EML3: variants seen among roughly 807,000 people sequenced by gnomAD.
The protein encoded by EML3 is EMAP like 3, also known as echinoderm microtubule-associated protein-like 3.
In EML3, 53 loss-of-function variants were observed where a neutral mutation model predicts 106.7. The ratio of observed to expected loss-of-function variants is 0.50; its 90% confidence interval spans 0.40 to 0.62. EML3 has a LOEUF of 0.62. Among genes scored for constraint, EML3 ranks in the 20% least tolerant of loss-of-function variants. The pLI is 0.00. For missense variants in EML3, 994 were observed against 1,209.1 expected, an observed-to-expected ratio of 0.82 and a Z score of 2.64; for synonymous variants, 499 against 489.6, an observed-to-expected ratio of 1.02 and a Z score of -0.25.
Position 62,606,202 on chromosome 11 carries a change from A to G in EML3, c.1517T>C (p.Ile506Thr), listed in dbSNP as rs1942509645. 2 of 1,613,680 alleles carry G rather than the reference A, an allele frequency of 1.2e-6. No individual in the cohort carries two copies. The highest frequency in any genetic ancestry group is 1.3e-5 in the African/African-American group (1 of 74,934). Residue 506 changes from isoleucine (I) to threonine (T), a missense_variant, in exon 13 of 22, where the codon ATT (isoleucine) becomes ACT (threonine). By Grantham distance (89) the Ile-to-Thr change is moderately conservative. This residue lies in a region of EML3 where 713 missense variants were observed against 920.5 expected (regional missense o/e 0.77). Transcript: ENST00000394773. ...TTCATGAGCGTGAGCCTGGGCCACAATCCCATAGGTCTCTGTTGGCAAAGC... is the reference window on the plus strand; with the variant it reads ...TTCATGAGCGTGAGCCTGGGCCACAGTCCCATAGGTCTCTGTTGGCAAAGC... ...GRGGAKETYG[I>T]VAQAHAHEGS...
rs915274161 is a variant in EML3 at position 62,605,424 on chromosome 11, G to A, written c.1914+218C>T. 6.6e-6 allele frequency among the ~76,000 whole-genome samples: 1 copy of A among 152,190 alleles called. No individual in the cohort carries two copies. Among genetic ancestry groups the A allele is most frequent in the Non-Finnish European group, 1.5e-5 (1 of 68,034 alleles). On this transcript the variant is annotated intron_variant, in intron 15 of 21. Coordinates refer to ENST00000394773, the MANE Select transcript of EML3 (RefSeq NM_153265.3). This position sits in a 1 kb window ranked among gnomAD's most constrained non-coding sequence, Gnocchi z 5.2. Reference sequence around the variant, plus strand: ...TAGGTGCTGGATCAAGAGGAAGTCTGAGGGGTTCTGGGGGCGGCAGGGAGT... The same window carrying A: ...TAGGTGCTGGATCAAGAGGAAGTCTAAGGGGTTCTGGGGGCGGCAGGGAGT...
chr11:62,611,639 G>C, intron 1 of EML3, 43 bp from the exon 2 acceptor site: 3 of 1,579,020 alleles, frequency 1.9e-6, no homozygotes, highest in Non-Finnish European at 2.6e-6. Flanking sequence ...CCCATCACCT[G>C]AAGAAAGCGT....
At position 62,610,988 on chromosome 11, in the gene EML3, G is replaced by T. The variant is rs368147676; in HGVS notation, c.457C>A (p.Arg153=). 10 of 1,613,180 alleles carry T rather than the reference G, an allele frequency of 6.2e-6. No individual in the cohort carries two copies. The African/African-American group carries it at 8.0e-5, about 13-fold the overall frequency. ...LQPPQRADTP[R]RNSSSSSSPS... is the part of the protein sequence containing the mutation. ...GATGAGGAGGAGGAAGAATTTCTTC[G>T]CGGCCTGGTGGGGGCATAGTGAAGG... The change falls in exon 4 of 22, where the codon CGA becomes AGA. Residue 153 remains arginine (R), a synonymous_variant. Coordinates refer to ENST00000394773, the MANE Select transcript of EML3 (RefSeq NM_153265.3).
In EML3 at chr11:62,606,186, G is replaced by C; in HGVS notation, c.1533C>G (p.His511Gln). 1.2e-6 allele frequency: 2 copies of C among 1,613,968 alleles called. No homozygotes were observed. The highest frequency in any genetic ancestry group is 4.5e-5 in the East Asian group (2 of 44,886). Residue 511 changes from histidine (H) to glutamine (Q), a missense_variant, in exon 13 of 22, where the codon CAC becomes CAG. Transcript: ENST00000394773. ...AGGCGAAGATAGAACCTTCATGAGC[G>C]TGAGCCTGGGCCACAATCCCATAGG... ...KETYGIVAQA[H>Q]AHEGSIFALC...
chr11:62,609,381 G>A lies in EML3; in HGVS notation c.731C>T (p.Pro244Leu), dbSNP rs374665173. 6.9e-6 allele frequency: 11 copies of A among 1,593,776 alleles called. No homozygotes were observed. The highest frequency in any genetic ancestry group is 5.3e-5 in the Admixed American group (3 of 56,886). The change falls in exon 6 of 22, where the codon CCG (proline) becomes CTG (leucine). Residue 244 changes from proline (P) to leucine (L), a missense_variant. By Grantham distance (98) the Pro-to-Leu change is moderately conservative (BLOSUM62 -3). Coordinates refer to ENST00000394773, the MANE Select transcript of EML3 (RefSeq NM_153265.3). ...CCAGTCAAGGCTGAGGGTCTCTGGCGGTGGGCCACTCGGCAGCTCCTCAAG... is the reference window on the plus strand; with the variant it reads ...CCAGTCAAGGCTGAGGGTCTCTGGCAGTGGGCCACTCGGCAGCTCCTCAAG... ...RSLEELPSGP[P>L]PETLSLDWVY...
chr11:62,612,408 C>T (rs890377407), intron 1 of EML3, 28 bp downstream of exon 1: 15 of 1,500,582 alleles, frequency 1.0e-5, no homozygotes, highest in African/African-American at 2.9e-5. Flanking sequence ...CGGGAAGGGG[C>T]ACGCCGCCCG....
chr11:62,610,227 A>G (rs1351297413), intron 4 of EML3, among the ~76,000 whole-genome samples: 1 of 152,216 alleles, frequency 6.6e-6, no homozygotes, highest in African/African-American at 2.4e-5. Flanking sequence ...GAAAGTCCAC[A>G]TCTCTCCAGA....
rs527548325 is a variant in EML3 at position 62,611,121 on chromosome 11, G to A, written c.418C>T (p.Leu140Phe). The change falls in exon 3 of 22, where the codon CTC becomes TTC. Residue 140 changes from leucine to phenylalanine, a missense_variant. Leu to Phe is a conservative substitution (Grantham distance 22). Coordinates refer to ENST00000394773, the MANE Select transcript of EML3 (RefSeq NM_153265.3). Reference protein sequence around the residue: ...GAGSPGPPGILRPLQPPQRAD... With the variant: ...GAGSPGPPGIFRPLQPPQRAD... ...CGCTGTGGGGGCTGCAAGGGCCTGAGGATCCCCGGGGGGCCAGGGGAGCCA... is the reference window on the plus strand; with the variant it reads ...CGCTGTGGGGGCTGCAAGGGCCTGAAGATCCCCGGGGGGCCAGGGGAGCCA... 3 of 1,597,352 alleles carry A rather than the reference G, an allele frequency of 1.9e-6. No individual in the cohort carries two copies. The highest frequency in any genetic ancestry group is 2.7e-5 in the African/African-American group (2 of 74,962).
intron 7 of EML3, 31 bp from the exon 8 acceptor site, chr11:62,608,836 G>C: frequency 6.4e-7 from 1 of 1,564,756 alleles, no homozygotes; most frequent in Non-Finnish European, 8.7e-7. Flanking sequence ...TCTAGGGAAA[G>C]GGTCTCTCAA....
At chr11:62,603,701 C>G (rs1164683859) in intron 19 of EML3, 28 bp downstream of exon 19, 2 of 1,601,460 alleles carry the variant, frequency 1.2e-6, no homozygotes, top group South Asian at 2.2e-5. Flanking sequence ...ATTACCCTCT[C>G]CCCATGTCCT....
At chr11:62,611,749 G>T in intron 1 of EML3, 153 bp from the exon 2 acceptor site, 1 of 874,618 alleles carries the variant, frequency 1.1e-6, no homozygotes, top group Non-Finnish European at 1.7e-6. Flanking sequence ...GGAGGAGACG[G>T]TGGTAAAGGA....
chr11:62,605,461 A>T lies in EML3; in HGVS notation c.1914+181T>A. On this transcript the variant is annotated intron_variant, in intron 15 of 21. Transcript: ENST00000394773. This position sits in a 1 kb window ranked among gnomAD's most constrained non-coding sequence, Gnocchi z 5.2. ...GGGCGGCAGGGAGTGCCCAGGTGGT[A>T]CTAGAAGCATCAGCTTTTACCAGTC... 1 of 893,360 alleles carries T rather than the reference A, an allele frequency of 1.1e-6. No homozygotes were observed. The highest frequency in any genetic ancestry group is 1.6e-6 in the Non-Finnish European group (1 of 609,572). The allele number at this position is 893,360 out of a possible 1,614,324, so 55.3% of individuals were successfully genotyped here.
Position 62,610,969 on chromosome 11 carries a change from G to T in EML3, c.476C>A (p.Ser159Tyr). 1 of 1,613,790 alleles carries T rather than the reference G, an allele frequency of 6.2e-7. No homozygotes were observed. Among genetic ancestry groups the T allele is most frequent in the Non-Finnish European group, 8.5e-7 (1 of 1,179,978 alleles). Residue 159 changes from serine to tyrosine, a missense_variant, in exon 4 of 22, where the codon TCC (serine) becomes TAC (tyrosine). By Grantham distance (144) the Ser-to-Tyr change is moderately radical. This residue lies in a region of EML3 where 269 missense variants were observed against 265.1 expected (regional missense o/e 1.01). Coordinates refer to ENST00000394773, the MANE Select transcript of EML3 (RefSeq NM_153265.3). ...ADTPRRNSSSSSSPSERPRQK... is the reference protein window; with the variant it reads ...ADTPRRNSSSYSSPSERPRQK... ...CCGAGGCCGCTCTGAGGGGGATGAG[G>T]AGGAGGAAGAATTTCTTCGCGGCCT...
Position 62,612,448 on chromosome 11 carries a change from C to T in EML3, c.10G>A (p.Ala4Thr), listed in dbSNP as rs1942881667. The change falls in exon 1 of 22, where the codon GCC becomes ACC. Residue 4 changes from alanine (A) to threonine (T), a missense_variant. Ala to Thr is a moderately conservative substitution (Grantham distance 58). Coordinates refer to ENST00000394773, the MANE Select transcript of EML3 (RefSeq NM_153265.3). Reference protein sequence around the residue: MDGAAGPGDGPARE... With the variant: MDGTAGPGDGPARE... ...GCCCCGTACTCACCGGGCCCCGCGG[C>T]CCCGTCCATCCGGCCCCCGGGTTGC... is the stretch of plus-strand genomic sequence containing the variant. 3 of 1,464,156 alleles carry T rather than the reference C, an allele frequency of 2.0e-6. No homozygotes were observed. Among genetic ancestry groups the T allele is most frequent in the African/African-American group, 2.9e-5 (2 of 67,846 alleles). The allele number at this position is 1,464,156 out of a possible 1,614,324, so 90.7% of individuals were successfully genotyped here.
In EML3 at chr11:62,608,311, C is replaced by T. The variant is rs373340389; in HGVS notation, c.1111-15G>A. 2.9e-5 allele frequency: 47 copies of T among 1,611,916 alleles called. No homozygotes were observed. Among genetic ancestry groups the T allele is most frequent in the Non-Finnish European group, 3.8e-5 (45 of 1,178,360 alleles). ...GCACCCTGATCCTGAAGAAGGGTGA[C>T]ACATAGGAGGTGCAGAGTGAACCCT... On this transcript the variant is annotated splice_polypyrimidine_tract_variant and intron_variant, in intron 9 of 21. Transcript: ENST00000394773.
rs911055600 is a variant in EML3 at position 62,608,030 on chromosome 11, G to A, written c.1206+171C>T. On this transcript the variant is annotated intron_variant, in intron 10 of 21. Transcript: ENST00000394773. ...TACCTAACACATTATGCCTCATGAG[G>A]TCAGAACCCATGTCACAAATGAAGA... The A allele has an allele frequency of 9.8e-6, 8 of 812,934 alleles. No individual in the cohort carries two copies. In the African/African-American group the frequency reaches 1.4e-4, roughly 14 times the overall value. 50.4% of individuals were successfully genotyped at this position (812,934 alleles called of 1,614,324 possible).
rs751832384 is a variant in EML3 at position 62,611,591 on chromosome 11, C to T, written c.28G>A (p.Gly10Ser). 26 of 1,612,492 alleles carry T rather than the reference C, an allele frequency of 1.6e-5. No individual in the cohort carries two copies. Among genetic ancestry groups the T allele is most frequent in the African/African-American group, 2.7e-5 (2 of 74,872 alleles). The change falls in exon 2 of 22, where the codon GGC becomes AGC. Residue 10 changes from glycine (G) to serine (S), a missense_variant. Gly to Ser is a moderately conservative substitution (Grantham distance 56). Coordinates refer to ENST00000394773, the MANE Select transcript of EML3 (RefSeq NM_153265.3). ...GACTGGAGGGCCTCCCGAGCAGGGC[C>T]GTCACCTGGGAAAAGGGCAAGAGGT... is the stretch of plus-strand genomic sequence containing the variant. MDGAAGPGD[G>S]PAREALQSLS...
chr11:62,605,563 C>A lies in EML3; in HGVS notation c.1914+79G>T. The stretch of plus-strand genomic sequence containing the variant: ...CTGGCCACCTCTGGGAGGCAGAAGG[C>A]AAGGTGCTGGGGAAGGCGTGGTGGC... On this transcript the variant is annotated intron_variant, in intron 15 of 21. Coordinates refer to ENST00000394773, the MANE Select transcript of EML3 (RefSeq NM_153265.3). The surrounding 1 kb of genome is among the most constrained non-coding windows in gnomAD (Gnocchi z 5.2). 1 of 1,489,118 alleles carries A rather than the reference C, an allele frequency of 6.7e-7. No individual in the cohort carries two copies. Among genetic ancestry groups the A allele is most frequent in the Non-Finnish European group, 8.9e-7 (1 of 1,120,006 alleles). The allele number at this position is 1,489,118 out of a possible 1,614,324, so 92.2% of individuals were successfully genotyped here.
At chr11:62,609,192 G>A (rs1391834999) in intron 6 of EML3, 60 bp from the exon 7 acceptor site, 20 of 1,602,494 alleles carry the variant, frequency 1.2e-5, no homozygotes, top group Non-Finnish European at 1.6e-5. Flanking sequence ...AGGAAGAGGG[G>A]AGAAAGACAG....
Sources: allele counts gnomAD v4.1 joint callset (sites outside exome capture counted in the v4.1 genomes callset), GRCh38; gene constraint gnomAD v4.1.1; regional missense constraint gnomAD v4.1.1; non-coding constraint Gnocchi (gnomAD v3.1); transcripts MANE v1.5; gene names NCBI Gene and HGNC (gene_info 2026-07-23, HGNC 2026-07-21).